The following PTPRR variants were observed in gnomAD, a reference collection of about 807,000 sequenced individuals.
PTPRR encodes receptor-type tyrosine-protein phosphatase R.
Under a neutral mutation model 77.2 loss-of-function variants are expected in PTPRR, and 38 were observed. The ratio of observed to expected loss-of-function variants is 0.49; its 90% CI spans 0.38 to 0.65. PTPRR has a LOEUF of 0.65. Ranked by LOEUF, PTPRR falls within the 30% of genes least tolerant of loss-of-function variation. PTPRR has a pLI of 0.00. For synonymous variants in PTPRR, 299 were observed against 283.1 expected (o/e 1.06, Z -0.57); for missense variants, 744 against 799.2 (o/e 0.93, Z 0.83).
At chr12:70,827,339 C>T (rs1020249234) in intron 2 of PTPRR, among the ~76,000 whole-genome samples, 1 of 152,114 alleles carries the variant, frequency 6.6e-6, no homozygotes, top group Non-Finnish European at 1.5e-5. Flanking sequence ...ACAAACTGCT[C>T]TAGACTGAGT....
chr12:70,697,555 T>C (rs1274057935), intron 8 of PTPRR, among the ~76,000 whole-genome samples: 1 of 152,194 alleles, frequency 6.6e-6, no homozygotes, highest in African/African-American at 2.4e-5. Flanking sequence ...AGCACAAAAT[T>C]TTTAGTATTA....
At chr12:70,723,777 T>C (rs1300442019) in intron 6 of PTPRR, among the ~76,000 whole-genome samples, 1 of 152,236 alleles carries the variant, frequency 6.6e-6, no homozygotes, top group Non-Finnish European at 1.5e-5. Context: ...ACATTCTTAT[T>C]GGAGTGGTAT....
chr12:70,673,081 T>C lies in PTPRR; in HGVS notation c.1498-10476A>G. On this transcript the variant is annotated intron_variant, in intron 10 of 13. Transcript: ENST00000283228. ...AAGAAAGAAATATATATTTGACTTA[T>C]ACAGCAGTTCTGGTACAATGACATC... The C allele has an allele frequency of 3.6e-6, 4 of 1,096,790 alleles. No individual in the cohort carries two copies. The East Asian group carries it at 1.6e-4, about 43-fold the overall frequency. 67.9% of individuals were successfully genotyped at this position (1,096,790 alleles called of 1,614,324 possible). A position where few individuals can be genotyped will look rare whatever the true frequency, so the allele number is the denominator to read the frequency against.
At chr12:70,898,967 C>A (rs1893483556) in intron 1 of PTPRR, among the ~76,000 whole-genome samples, 1 of 151,390 alleles carries the variant, frequency 6.6e-6, no homozygotes, top group African/African-American at 2.4e-5. Flanking sequence ...ATAAATTCAA[C>A]AATTTAGATA....
At chr12:70,673,042 A>G in intron 10 of PTPRR, 2 of 1,099,686 alleles carry the variant, frequency 1.8e-6, no homozygotes, top group Non-Finnish European at 2.3e-6. Flanking sequence ...AAAAAAAAAA[A>G]AAAAAAAGAA....
At position 70,821,213 on chromosome 12, in the gene PTPRR, C is replaced by CTTTTTTTTTTTTTTTTTTT. The variant is rs61539990; in HGVS notation, c.358-56454_358-56436dup. On this transcript the variant is annotated intron_variant, in intron 2 of 13. Coordinates refer to ENST00000283228, the MANE Select transcript of PTPRR (RefSeq NM_002849.4). The stretch of plus-strand genomic sequence containing the variant: ...CAAAACATGTTGAAAGGGATCACTG[C>CTTTTTTTTTTTTTTTTTTT]TTTTTTTTTTTTTTTTTTTTTTTTT... Among the ~76,000 whole-genome samples, 160 of 31,988 alleles carry CTTTTTTTTTTTTTTTTTTT rather than the reference C, an allele frequency of 5.0e-3. 41 individuals carry two copies. Among genetic ancestry groups the CTTTTTTTTTTTTTTTTTTT allele is most frequent in the Middle Eastern group, 0.033 (1 of 30 alleles). The allele number at this position is 31,988 out of a possible 152,430, so 21.0% of individuals were successfully genotyped here. A position where few individuals can be genotyped will look rare whatever the true frequency, so the allele number is the denominator to read the frequency against.
At chr12:70,744,017 G>T (rs1890134005) in intron 6 of PTPRR, among the ~76,000 whole-genome samples, 1 of 152,006 alleles carries the variant, frequency 6.6e-6, no homozygotes, top group South Asian at 2.1e-4. Flanking sequence ...GCCTCCTATT[G>T]CCTGCAGACC....
intron 6 of PTPRR, among the ~76,000 whole-genome samples, chr12:70,722,091 T>C (rs1393588916): frequency 6.6e-6 from 1 of 152,178 alleles, no homozygotes; most frequent in Non-Finnish European, 1.5e-5. Flanking sequence ...GTCCCGGCTA[T>C]GCGCCCCCCG....
intron 6 of PTPRR, among the ~76,000 whole-genome samples, chr12:70,732,202 T>C (rs1889685486): frequency 6.6e-6 from 1 of 152,236 alleles, no homozygotes; most frequent in Admixed American, 6.5e-5. Flanking sequence ...TTTTTACTCT[T>C]ATTTTTGATT....
intron 13 of PTPRR, among the ~76,000 whole-genome samples, chr12:70,650,500 C>G (rs78516377): frequency 1.1e-3 from 169 of 151,980 alleles, no homozygotes; most frequent in Non-Finnish European, 1.9e-3. Context: ...AGTCAAGAAC[C>G]TACTTTGTGC....
chr12:70,724,444 G>C (rs537098368), intron 6 of PTPRR, among the ~76,000 whole-genome samples: 1 of 152,136 alleles, frequency 6.6e-6, no homozygotes, highest in African/African-American at 2.4e-5. Context: ...GAGATAATAT[G>C]TGTGAAACAC....
Position 70,796,235 on chromosome 12 carries a change from A to AT in PTPRR, c.358-31458dup, listed in dbSNP as rs1458107677. 2.0e-5 allele frequency among the ~76,000 whole-genome samples: 3 copies of AT among 152,002 alleles called. No individual in the cohort carries two copies. In the East Asian group the frequency reaches 5.8e-4, roughly 29 times the overall value. On this transcript the variant is annotated intron_variant, in intron 2 of 13. Coordinates refer to ENST00000283228, the MANE Select transcript of PTPRR (RefSeq NM_002849.4). ...CGCCATGCCTGGCCGTATTTAGCAG[A>AT]TTTTTAATAACAGATAATCTGTCTT...
At chr12:70,669,544 T>C (rs1397692704) in intron 10 of PTPRR, among the ~76,000 whole-genome samples, 2 of 144,078 alleles carry the variant, frequency 1.4e-5, no homozygotes, top group Non-Finnish European at 3.0e-5. Flanking sequence ...ACACAAGCCA[T>C]ATATATATAT....
chr12:70,860,174 A>G (rs1892728424), intron 2 of PTPRR, among the ~76,000 whole-genome samples: 1 of 152,164 alleles, frequency 6.6e-6, no homozygotes, highest in African/African-American at 2.4e-5. Context: ...ACAAGGCAGC[A>G]TATCATTTTG....
In PTPRR at chr12:70,645,273, G is replaced by T. The variant is rs78106530; in HGVS notation, c.1881-5996C>A. Among the ~76,000 whole-genome samples the T allele has an allele frequency of 4.9e-3, 751 of 152,274 alleles. 3 individuals are homozygous for T. Among genetic ancestry groups the T allele is most frequent in the Non-Finnish European group, 5.7e-3 (386 of 68,026 alleles). ...TCACAAAGAAGTTTGAAAACCACTG[G>T]CCTGGCTAATAAGGTATTTAGGTAT... On this transcript the variant is annotated intron_variant, in intron 13 of 13. Coordinates refer to ENST00000283228, the MANE Select transcript of PTPRR (RefSeq NM_002849.4).
chr12:70,708,079 A>G (rs952640505), intron 6 of PTPRR, among the ~76,000 whole-genome samples: 2 of 152,050 alleles, frequency 1.3e-5, no homozygotes, highest in African/African-American at 4.8e-5. Context: ...TCCAAATGCC[A>G]GGGGCTCTTT....
chr12:70,881,087 TA>T (rs1167296857), intron 2 of PTPRR, among the ~76,000 whole-genome samples: 1 of 152,164 alleles, frequency 6.6e-6, no homozygotes, highest in Non-Finnish European at 1.5e-5. Flanking sequence ...ATACGCTGCC[TA>T]AAATTTCCTA....
chr12:70,892,382 A>G (rs933890960), intron 2 of PTPRR, among the ~76,000 whole-genome samples: 24 of 152,090 alleles, frequency 1.6e-4, no homozygotes, highest in African/African-American at 5.8e-4. Flanking sequence ...GATATAATCA[A>G]CTATAATTGT....
At chr12:70,892,436 A>G (rs934447829) in intron 2 of PTPRR, among the ~76,000 whole-genome samples, 1 of 152,050 alleles carries the variant, frequency 6.6e-6, no homozygotes, top group South Asian at 2.1e-4. Flanking sequence ...TTTATTAAGC[A>G]TCTACCATGT....
Sources: gnomAD v4.1 joint callset for allele counts (sites outside exome capture counted in the v4.1 genomes callset) on GRCh38, gnomAD v4.1.1 for gene constraint, MANE v1.5 for transcripts, NCBI Gene and HGNC (gene_info 2026-07-23, HGNC 2026-07-21) for gene names.